LGSN: variants seen among roughly 807,000 people sequenced by gnomAD.
LGSN encodes the protein lengsin.
LGSN carries 21 observed loss-of-function variants against 19.5 expected under a neutral mutation model. That is an observed-to-expected ratio of 1.07 (90% CI 0.76 to 1.55). LGSN has a LOEUF of 1.55. Among genes scored for constraint, LGSN ranks in the 40% most tolerant of loss-of-function variants. The probability of loss-of-function intolerance (pLI) is 0.00; values close to 1 mark genes in which losing one functional copy is unlikely to be tolerated. For missense variants in LGSN, 673 were observed against 608.5 expected (o/e 1.11, Z -1.12); for synonymous variants, 257 against 215.6 (o/e 1.19, Z -1.68).
chr6:63,514,011 T>C, the LGSN span, among the ~76,000 whole-genome samples: 3 of 151,474 alleles, frequency 2.0e-5, no homozygotes, highest in African/African-American at 7.3e-5. Context: ...TATTAAGATA[T>C]TACTTATATA....
chr6:63,492,964 C>T, the LGSN span, among the ~76,000 whole-genome samples: 1 of 152,180 alleles, frequency 6.6e-6, no homozygotes, highest in African/African-American at 2.4e-5. Flanking sequence ...TGGCTTTGAA[C>T]TTCACATTTT....
chr6:63,470,532 C>A, the LGSN span, among the ~76,000 whole-genome samples: 24 of 151,384 alleles, frequency 1.6e-4, no homozygotes, highest in African/African-American at 5.8e-4. Context: ...CTGGGAGATA[C>A]ATAAATATAT....
the LGSN span, among the ~76,000 whole-genome samples, chr6:63,358,906 G>C: frequency 6.6e-6 from 1 of 152,136 alleles, no homozygotes; most frequent in East Asian, 1.9e-4. Flanking sequence ...TTCCCGTCTT[G>C]TGCCAGTTTT....
At chr6:63,526,837 T>TATATATATATATA in the LGSN span, among the ~76,000 whole-genome samples, 105 of 87,630 alleles carry the variant, frequency 1.2e-3, no homozygotes, top group African/African-American at 2.8e-3. Flanking sequence ...ATATATATAT[T>TATATATATATATA]TATTTATTTA....
the LGSN span, among the ~76,000 whole-genome samples, chr6:63,508,817 G>C: frequency 1.3e-5 from 2 of 151,274 alleles, no homozygotes; most frequent in African/African-American, 4.9e-5. Flanking sequence ...TACTCAGGAG[G>C]CTGAGGCAGG....
chr6:63,311,424 C>A (rs982447829), intron 1 of LGSN, among the ~76,000 whole-genome samples: 3 of 152,200 alleles, frequency 2.0e-5, no homozygotes, highest in African/African-American at 7.2e-5. Context: ...GGATGATCTG[C>A]CACTTCAGCC....
chr6:63,349,801 G>A, the LGSN span, among the ~76,000 whole-genome samples: 24 of 152,286 alleles, frequency 1.6e-4, no homozygotes, highest in East Asian at 3.7e-3. Context: ...TACTAACGAC[G>A]TGATTGAGTT....
the LGSN span, among the ~76,000 whole-genome samples, chr6:63,341,635 C>T: frequency 6.6e-6 from 1 of 152,106 alleles, no homozygotes. Context: ...TGTGATGGAA[C>T]CCCCTATGAC....
chr6:63,389,833 A>AT, the LGSN span, among the ~76,000 whole-genome samples: 3 of 152,236 alleles, frequency 2.0e-5, no homozygotes, highest in Non-Finnish European at 2.9e-5. Context: ...ATTTTAAATT[A>AT]TTTTTTACAC....
At chr6:63,549,143 A>C in the LGSN span, 1 of 686,634 alleles carries the variant, frequency 1.5e-6, no homozygotes, top group Admixed American at 2.2e-5. Context: ...CTTTGCCAGC[A>C]GCTTTCTTTT....
At chr6:63,287,374 A>G (rs1017266997) in intron 2 of LGSN, among the ~76,000 whole-genome samples, 1 of 152,152 alleles carries the variant, frequency 6.6e-6, no homozygotes, top group Non-Finnish European at 1.5e-5. Flanking sequence ...ATGCTCCTTA[A>G]AACAAAATGT....
chr6:63,507,121 T>TCATA, the LGSN span, among the ~76,000 whole-genome samples: 1 of 152,204 alleles, frequency 6.6e-6, no homozygotes, highest in Admixed American at 6.5e-5. Context: ...TTCGCACTAC[T>TCATA]CATAACATTG....
intron 1 of LGSN, among the ~76,000 whole-genome samples, chr6:63,308,760 C>A (rs879436138): frequency 6.6e-5 from 10 of 152,020 alleles, no homozygotes; most frequent in Admixed American, 5.9e-4. Flanking sequence ...CAAGTTTTAA[C>A]CTCTGTTAGA....
At chr6:63,427,546 G>A in the LGSN span, among the ~76,000 whole-genome samples, 1 of 152,092 alleles carries the variant, frequency 6.6e-6, no homozygotes, top group South Asian at 2.1e-4. Context: ...ATTTTTTAAT[G>A]TGCTAATTTG....
chr6:63,565,324 T>A, the LGSN span, among the ~76,000 whole-genome samples: 1 of 152,196 alleles, frequency 6.6e-6, no homozygotes, highest in Non-Finnish European at 1.5e-5. Flanking sequence ...CTCATTTGAT[T>A]TGGAGACTAC....
At chr6:63,323,724 A>C (rs1269956124), upstream of LGSN, among the ~76,000 whole-genome samples, 2 of 150,316 alleles carry the variant, frequency 1.3e-5, no homozygotes, top group Non-Finnish European at 3.0e-5. Context: ...AATTGCTCTA[A>C]TGTCTAGCTT....
At chr6:63,399,394 ATT>A in the LGSN span, among the ~76,000 whole-genome samples, 18 of 140,706 alleles carry the variant, frequency 1.3e-4, no homozygotes, top group Admixed American at 2.1e-4. Context: ...AACAGTACTA[ATT>A]TTTTTTTTTT....
At chr6:63,362,197 C>T in the LGSN span, among the ~76,000 whole-genome samples, 154 of 152,154 alleles carry the variant, frequency 1.0e-3, no homozygotes, top group African/African-American at 3.4e-3. Flanking sequence ...AAGGAGTATA[C>T]TCTAAAATCA....
chr6:63,393,517 T>C, the LGSN span, among the ~76,000 whole-genome samples: 5 of 152,234 alleles, frequency 3.3e-5, no homozygotes, highest in Admixed American at 2.0e-4. Flanking sequence ...GCAGACAAGA[T>C]GGCGCTGGTT....
Sources: allele counts gnomAD v4.1 joint callset (sites outside exome capture counted in the v4.1 genomes callset), GRCh38; gene constraint gnomAD v4.1.1; transcripts MANE v1.5; gene names NCBI Gene and HGNC (gene_info 2026-07-23, HGNC 2026-07-21).